Variants in BSPH1 observed in about 807,000 individuals in gnomAD.
BSPH1 encodes the protein binder of sperm 1.
In BSPH1, 21 loss-of-function variants were observed where a neutral mutation model predicts 22.5. That is an observed-to-expected ratio of 0.93 (90% CI 0.66 to 1.35). The LOEUF (loss-of-function observed/expected upper bound fraction) is 1.35, where lower values mean the gene tolerates loss of function less well. Ranked by LOEUF, BSPH1 falls within the 40% of genes most tolerant of loss-of-function variation. The probability of loss-of-function intolerance (pLI) is 0.00; values close to 1 mark genes in which losing one functional copy is unlikely to be tolerated. For synonymous variants in BSPH1, 42 were observed against 53.6 expected (o/e 0.78, Z 0.95); for missense variants, 141 against 154.2 (o/e 0.91, Z 0.45).
At chr19:47,984,569 A>G (rs1969451366) in intron 1 of BSPH1, among the ~76,000 whole-genome samples, 1 of 152,204 alleles carries the variant, frequency 6.6e-6, no homozygotes, top group Non-Finnish European at 1.5e-5. Context: ...ATGCAGCCAT[A>G]ACAAAGAACA....
intron 1 of BSPH1, 63 bp downstream of exon 1, chr19:47,991,946 C>T (rs932261515): frequency 9.0e-7 from 1 of 1,108,432 alleles, no homozygotes. Flanking sequence ...CTTCCTTGCT[C>T]TCACTCTGCT....
intron 1 of BSPH1, among the ~76,000 whole-genome samples, chr19:47,989,215 A>G (rs1299975306): frequency 1.3e-5 from 2 of 150,904 alleles, no homozygotes; most frequent in African/African-American, 4.9e-5. Context: ...GCATGATCTC[A>G]GGTCACTGCA....
At chr19:47,976,578 C>T in intron 5 of BSPH1, 132 bp downstream of exon 5, 2 of 659,840 alleles carry the variant, frequency 3.0e-6, no homozygotes, top group Non-Finnish European at 4.9e-6. Flanking sequence ...CAACTCACAT[C>T]CCAGAAAAAA....
chr19:47,986,944 C>T (rs1223020827), intron 1 of BSPH1, among the ~76,000 whole-genome samples: 7 of 152,104 alleles, frequency 4.6e-5, no homozygotes, highest in Non-Finnish European at 8.8e-5. Flanking sequence ...TGCTGGCAAG[C>T]TGTGGCATTC....
intron 3 of BSPH1, among the ~76,000 whole-genome samples, chr19:47,979,226 A>G (rs1416602741): frequency 4.6e-5 from 7 of 151,246 alleles, no homozygotes; most frequent in Non-Finnish European, 8.8e-5. Flanking sequence ...TTATATTACA[A>G]TATTTTAGTA....
rs1173591104 is a variant in BSPH1 at position 47,976,759 on chromosome 19, G to A, written c.352C>T (p.Leu118=). ...GEAFGKKWCS[L]TKNFNKDRIW... ...CGGTCCTTGTTAAAATTCTTGGTCA[G>A]TGAACACCATTTTTTCCCAAATGCT... is the stretch of plus-strand genomic sequence containing the variant. Residue 118 remains leucine, a synonymous_variant, in exon 5 of 6, where the codon CTG becomes TTG. Transcript: ENST00000344839. 2 of 1,551,760 alleles carry A rather than the reference G, an allele frequency of 1.3e-6. No homozygotes were observed. Among genetic ancestry groups the A allele is most frequent in the Non-Finnish European group, 1.7e-6 (2 of 1,146,940 alleles).
intron 5 of BSPH1, among the ~76,000 whole-genome samples, chr19:47,972,930 G>A (rs1158309512): frequency 1.4e-5 from 2 of 142,950 alleles, no homozygotes; most frequent in African/African-American, 5.2e-5. Flanking sequence ...CTATAATAAT[G>A]TAGGCGGCCG....
chr19:47,977,127 G>C lies in BSPH1; in HGVS notation c.256+246C>G, dbSNP rs559907958. Among the ~76,000 whole-genome samples, 23 of 152,326 alleles carry C rather than the reference G, an allele frequency of 1.5e-4. No homozygotes were observed. In the East Asian group the frequency reaches 3.1e-3, roughly 20 times the overall value. The stretch of plus-strand genomic sequence containing the variant: ...GCACATGGGAACAATATTGGTGGGG[G>C]ATTCAGATCCCACATCACTTTGCTG... On this transcript the variant is annotated intron_variant, in intron 4 of 5. Coordinates refer to ENST00000344839, the MANE Select transcript of BSPH1 (RefSeq NM_001128326.2).
Position 47,976,774 on chromosome 19 carries a change from T to C in BSPH1, c.337A>G (p.Lys113Glu), listed in dbSNP as rs1440425019. Reference sequence around the variant, plus strand: ...TTCTTGGTCAGTGAACACCATTTTTTCCCAAATGCTTCCCCATCATCAGTA... The same window carrying C: ...TTCTTGGTCAGTGAACACCATTTTTCCCCAAATGCTTCCCCATCATCAGTA... Reference protein sequence around the residue: ...ECTDDGEAFGKKWCSLTKNFN... With the variant: ...ECTDDGEAFGEKWCSLTKNFN... Residue 113 changes from lysine to glutamate, a missense_variant, in exon 5 of 6, where the codon AAA becomes GAA. Lys to Glu is a moderately conservative substitution (Grantham distance 56). Coordinates refer to ENST00000344839, the MANE Select transcript of BSPH1 (RefSeq NM_001128326.2). 2 of 1,551,648 alleles carry C rather than the reference T, an allele frequency of 1.3e-6. No homozygotes were observed. The highest frequency in any genetic ancestry group is 1.4e-5 in the African/African-American group (1 of 73,146).
rs761983026 is a variant in BSPH1, at chr19:47,969,017, A to AAG, written c.*3-809_*3-808insCT. On this transcript the variant is annotated intron_variant, in intron 5 of 5. Coordinates refer to ENST00000344839, the MANE Select transcript of BSPH1 (RefSeq NM_001128326.2). ...CTATCTCAGATTAAAAAAAAAAAAA[A>AAG]AAAAAGAAATCACTGACGGCTGCCT... is the stretch of plus-strand genomic sequence containing the variant. Among the ~76,000 whole-genome samples the AAG allele has an allele frequency of 3.9e-3, 594 of 151,812 alleles. 5 individuals carry two copies. Among genetic ancestry groups the AAG allele is most frequent in the Non-Finnish European group, 5.5e-3 (376 of 67,924 alleles).
intron 5 of BSPH1, among the ~76,000 whole-genome samples, chr19:47,971,380 A>G (rs1402375803): frequency 6.6e-6 from 1 of 151,904 alleles, no homozygotes; most frequent in Non-Finnish European, 1.5e-5. Context: ...TAGTTTTCGT[A>G]TTTTTAGTAG....
At chr19:47,983,602 G>A (rs1969439635) in intron 1 of BSPH1, among the ~76,000 whole-genome samples, 1 of 152,194 alleles carries the variant, frequency 6.6e-6, no homozygotes, top group African/African-American at 2.4e-5. Context: ...CCACTCAAAC[G>A]TCCCACTCTG....
chr19:47,975,093 C>T (rs992923986), intron 5 of BSPH1, among the ~76,000 whole-genome samples: 9 of 152,196 alleles, frequency 5.9e-5, no homozygotes, highest in Admixed American at 2.6e-4. Context: ...CAGTTTCTAC[C>T]GAAGGTGACT....
Position 47,976,874 on chromosome 19 carries a change from A to G in BSPH1, c.257-20T>C. 6.4e-7 allele frequency: 1 copy of G among 1,550,648 alleles called. No homozygotes were observed. Among genetic ancestry groups the G allele is most frequent in the Non-Finnish European group, 8.7e-7 (1 of 1,146,526 alleles). Reference sequence around the variant, plus strand: ...CAAAATCTGCAGAGGAGGAAGAGGAAGAAGCAGAGTAAGAAACCTTTCTAA... The same window carrying G: ...CAAAATCTGCAGAGGAGGAAGAGGAGGAAGCAGAGTAAGAAACCTTTCTAA... On this transcript the variant is annotated intron_variant, in intron 4 of 5. Coordinates refer to ENST00000344839, the MANE Select transcript of BSPH1 (RefSeq NM_001128326.2).
intron 2 of BSPH1, chr19:47,980,477 C>CTTTT (rs11363158): frequency 7.0e-4 from 143 of 204,356 alleles, no homozygotes; most frequent in East Asian, 2.5e-3. Context: ...CTTCTTCTTT[C>CTTTT]TTTTTTTTTT....
At chr19:47,976,925 G>A (rs1969370795) in intron 4 of BSPH1, 71 bp from the exon 5 acceptor site, 12 of 1,340,664 alleles carry the variant, frequency 9.0e-6, no homozygotes, top group African/African-American at 2.9e-5. Context: ...ACCACACCAT[G>A]CACACACATG....
In BSPH1 at chr19:47,977,394, A is replaced by C. The variant is rs1232691256; in HGVS notation, c.235T>G (p.Trp79Gly). 2.4e-5 allele frequency: 37 copies of C among 1,552,222 alleles called. No homozygotes were observed. In the East Asian group the frequency reaches 8.8e-4, roughly 37 times the overall value. ...TCACCTTCTGCACTGCAAAACTTCCAGTATCCTTCGTAGGTCTTGTTTAAC... is the reference window on the plus strand; with the variant it reads ...TCACCTTCTGCACTGCAAAACTTCCCGTATCCTTCGTAGGTCTTGTTTAAC... ...CSLNKTYEGY[W>G]KFCSAEDFAN... Residue 79 changes from tryptophan (W) to glycine (G), a missense_variant, in exon 4 of 6, where the codon TGG (tryptophan) becomes GGG (glycine). Transcript: ENST00000344839.
At chr19:47,973,350 G>GAAC (rs1969330346) in intron 5 of BSPH1, among the ~76,000 whole-genome samples, 1 of 151,828 alleles carries the variant, frequency 6.6e-6, no homozygotes. Flanking sequence ...CACTTCTAGG[G>GAAC]AACAGTCTCC....
chr19:47,991,364 C>G (rs1435805577), intron 1 of BSPH1, among the ~76,000 whole-genome samples: 2 of 151,828 alleles, frequency 1.3e-5, no homozygotes, highest in African/African-American at 4.8e-5. Context: ...TCCCTCCTCT[C>G]TTTCCCTCCT....
Sources: gnomAD v4.1 joint callset for allele counts (sites outside exome capture counted in the v4.1 genomes callset) on GRCh38, gnomAD v4.1.1 for gene constraint, MANE v1.5 for transcripts, NCBI Gene and HGNC (gene_info 2026-07-23, HGNC 2026-07-21) for gene names.